Variants in PLPPR1 observed in about 807,000 individuals in gnomAD.
PLPPR1 encodes phospholipid phosphatase related 1.
In PLPPR1, 10 loss-of-function variants were observed where a neutral mutation model predicts 33.1. That is an observed-to-expected ratio of 0.30 (90% CI 0.19 to 0.51). The LOEUF is 0.51. PLPPR1 is among the 20% of genes least tolerant of loss of function. The pLI is 0.97. For missense variants in PLPPR1, 304 were observed against 408.1 expected, an observed-to-expected ratio of 0.74 and a Z score of 2.20; for synonymous variants, 151 against 151.0, an observed-to-expected ratio of 1.00 and a Z score of 0.00.
chr9:101,212,972 A>G (rs182205920), intron 2 of PLPPR1, among the ~76,000 whole-genome samples: 1 of 152,298 alleles, frequency 6.6e-6, no homozygotes, highest in Admixed American at 6.5e-5. Context: ...TGTTGTAGTC[A>G]TAAATAGTTT....
chr9:101,064,704 G>T (rs1588013422), intron 1 of PLPPR1, among the ~76,000 whole-genome samples: 1 of 152,152 alleles, frequency 6.6e-6, no homozygotes, highest in South Asian at 2.1e-4. Context: ...CTGAGACTGA[G>T]TAATTTATAA....
At chr9:101,084,488 A>G (rs1229333228) in intron 1 of PLPPR1, among the ~76,000 whole-genome samples, 1 of 152,166 alleles carries the variant, frequency 6.6e-6, no homozygotes. Flanking sequence ...AATCTACACA[A>G]TCTTCTGTGC....
intron 2 of PLPPR1, among the ~76,000 whole-genome samples, chr9:101,212,733 T>C (rs1588074675): frequency 6.6e-6 from 1 of 152,190 alleles, no homozygotes; most frequent in East Asian, 1.9e-4. Context: ...GTTGTCTTCT[T>C]TGAATATGGT....
chr9:101,137,992 T>C (rs1831398995), intron 1 of PLPPR1, among the ~76,000 whole-genome samples: 1 of 152,254 alleles, frequency 6.6e-6, no homozygotes, highest in Non-Finnish European at 1.5e-5. Context: ...TGTACCAGGC[T>C]ACCTACACAG....
In PLPPR1 at chr9:101,038,137, A is replaced by G. The variant is rs577028147; in HGVS notation, c.-46+9035A>G. ...ATTAACATTTACATTTATTATTTTT[A>G]TAAAGGTAGGATTAACTTTACATAT... On this transcript the variant is annotated intron_variant, in intron 1 of 7. Transcript: ENST00000374874. Among the ~76,000 whole-genome samples, 4 of 152,208 alleles carry G rather than the reference A, an allele frequency of 2.6e-5. No homozygotes were observed. In the East Asian group the frequency reaches 7.7e-4, roughly 29 times the overall value.
chr9:101,155,426 G>A (rs1471289546), intron 1 of PLPPR1, among the ~76,000 whole-genome samples: 1 of 152,158 alleles, frequency 6.6e-6, no homozygotes, highest in Non-Finnish European at 1.5e-5. Flanking sequence ...GGGCAAGCAA[G>A]CATATATATG....
At chr9:101,258,301 C>T (rs1231954937) in intron 2 of PLPPR1, among the ~76,000 whole-genome samples, 1 of 152,128 alleles carries the variant, frequency 6.6e-6, no homozygotes, top group Non-Finnish European at 1.5e-5. Flanking sequence ...TTCTCAGCCA[C>T]TCATCTATCC....
intron 1 of PLPPR1, among the ~76,000 whole-genome samples, chr9:101,066,087 C>T (rs1830409722): frequency 6.6e-6 from 1 of 152,058 alleles, no homozygotes. Context: ...TCCCTAGACT[C>T]CTGTAGACTG....
intron 1 of PLPPR1, among the ~76,000 whole-genome samples, chr9:101,182,520 G>T (rs892165397): frequency 4.6e-5 from 7 of 151,610 alleles, no homozygotes; most frequent in Non-Finnish European, 8.9e-5. Context: ...GTCAATTAAA[G>T]AAAAGTGGGA....
chr9:101,274,878 C>A (rs976259469), intron 3 of PLPPR1, among the ~76,000 whole-genome samples: 1 of 152,166 alleles, frequency 6.6e-6, no homozygotes, highest in Non-Finnish European at 1.5e-5. Flanking sequence ...TCAGTTTCCT[C>A]ATCTGTACCC....
intron 1 of PLPPR1, among the ~76,000 whole-genome samples, chr9:101,053,159 C>T (rs1830244052): frequency 6.6e-6 from 1 of 152,016 alleles, no homozygotes; most frequent in Non-Finnish European, 1.5e-5. Context: ...AAAATATTTA[C>T]CTTCCCTCAC....
At chr9:101,211,154 C>A (rs1826683418) in intron 2 of PLPPR1, among the ~76,000 whole-genome samples, 1 of 152,088 alleles carries the variant, frequency 6.6e-6, no homozygotes, top group Non-Finnish European at 1.5e-5. Flanking sequence ...GGGGATTTCA[C>A]AAGGGGTCAC....
intron 4 of PLPPR1, among the ~76,000 whole-genome samples, chr9:101,288,913 C>A (rs1442430854): frequency 2.0e-5 from 3 of 152,196 alleles, no homozygotes; most frequent in Non-Finnish European, 2.9e-5. Flanking sequence ...CGTTTTGTAG[C>A]TATTGAGCTT....
At chr9:101,154,931 A>G (rs1831656396) in intron 1 of PLPPR1, among the ~76,000 whole-genome samples, 1 of 130,626 alleles carries the variant, frequency 7.7e-6, no homozygotes, top group Admixed American at 9.0e-5. Context: ...TGGACACTGG[A>G]AGGGGAACAT....
chr9:101,269,290 T>C (rs778187639), intron 2 of PLPPR1, among the ~76,000 whole-genome samples: 10 of 152,166 alleles, frequency 6.6e-5, no homozygotes, highest in Non-Finnish European at 1.5e-4. Flanking sequence ...AGAAACCATT[T>C]TGGAAAAAGA....
At chr9:101,302,031 T>G (rs1199153834) in intron 4 of PLPPR1, among the ~76,000 whole-genome samples, 5 of 152,206 alleles carry the variant, frequency 3.3e-5, no homozygotes, top group Non-Finnish European at 7.3e-5. Flanking sequence ...TAGACAATTA[T>G]GATTAAGAAT....
chr9:101,176,173 T>C (rs1270482292), intron 1 of PLPPR1, among the ~76,000 whole-genome samples: 1 of 152,110 alleles, frequency 6.6e-6, no homozygotes, highest in Non-Finnish European at 1.5e-5. Context: ...GATAATAACC[T>C]CTTGACCCTA....
chr9:101,304,894 A>G (rs547556406), intron 4 of PLPPR1, among the ~76,000 whole-genome samples: 1 of 152,262 alleles, frequency 6.6e-6, no homozygotes, highest in East Asian at 1.9e-4. Context: ...GAACACGTGG[A>G]TCTAGTCCTC....
intron 2 of PLPPR1, among the ~76,000 whole-genome samples, chr9:101,256,472 G>A (rs1239025569): frequency 6.6e-6 from 1 of 152,056 alleles, no homozygotes; most frequent in Non-Finnish European, 1.5e-5. Flanking sequence ...CATATTTTTC[G>A]AGGGTTCAGG....
Sources: allele counts gnomAD v4.1 joint callset (sites outside exome capture counted in the v4.1 genomes callset), GRCh38; gene constraint gnomAD v4.1.1; transcripts MANE v1.5; gene names NCBI Gene and HGNC (gene_info 2026-07-23, HGNC 2026-07-21).